TNKS: variants seen among roughly 807,000 people sequenced by gnomAD.
The protein encoded by TNKS is poly [ADP-ribose] polymerase tankyrase-1.
In TNKS, 72 loss-of-function variants were observed where a neutral mutation model predicts 135.8. The ratio of observed to expected loss-of-function variants is 0.53; its 90% confidence interval spans 0.44 to 0.64. TNKS has a LOEUF of 0.64. Ranked by LOEUF, TNKS falls within the 30% of genes least tolerant of loss-of-function variation. The pLI is 0.00. For synonymous variants in TNKS, 849 were observed against 649.3 expected (o/e 1.31, Z -4.68); for missense variants, 1,769 against 1,674.0 (o/e 1.06, Z -0.99).
At chr8:9,674,620 A>G (rs1405958101) in intron 3 of TNKS, among the ~76,000 whole-genome samples, 2 of 152,186 alleles carry the variant, frequency 1.3e-5, no homozygotes, top group African/African-American at 4.8e-5. Flanking sequence ...TACCTGAAAT[A>G]TGGCTGGTGT....
chr8:9,573,359 T>C lies in TNKS; in HGVS notation c.674-6800T>C, dbSNP rs1409627206. ...TGATGTACAGAAGACAAAAGTAAGG[T>C]ATAGAAAGAGCTTGGTTGGTTACAG... On this transcript the variant is annotated intron_variant, in intron 1 of 26. Coordinates refer to ENST00000310430, the MANE Select transcript of TNKS (RefSeq NM_003747.3). Among the ~76,000 whole-genome samples the C allele has an allele frequency of 2.6e-5, 4 of 152,218 alleles. No individual in the cohort carries two copies. The East Asian group carries it at 7.7e-4, about 29-fold the overall frequency.
At chr8:9,660,691 C>G (rs1015577880) in intron 3 of TNKS, among the ~76,000 whole-genome samples, 4 of 152,122 alleles carry the variant, frequency 2.6e-5, no homozygotes, top group African/African-American at 9.7e-5. Context: ...CAGGGTTGCC[C>G]TCTCTCACCA....
At chr8:9,610,888 T>C (rs1443687632) in intron 2 of TNKS, among the ~76,000 whole-genome samples, 1 of 152,224 alleles carries the variant, frequency 6.6e-6, no homozygotes, top group Non-Finnish European at 1.5e-5. Flanking sequence ...TTTAACAGAA[T>C]GAGTCTTTGT....
intron 2 of TNKS, among the ~76,000 whole-genome samples, chr8:9,602,981 AC>A (rs1799073551): frequency 6.6e-6 from 1 of 152,238 alleles, no homozygotes; most frequent in African/African-American, 2.4e-5. Flanking sequence ...AACTAGGTTT[AC>A]ATACACAAGG....
chr8:9,561,497 T>C (rs918355929), intron 1 of TNKS, among the ~76,000 whole-genome samples: 2 of 152,226 alleles, frequency 1.3e-5, no homozygotes, highest in South Asian at 2.1e-4. Context: ...GTAAGACTTA[T>C]TTTGCTCAGC....
intron 5 of TNKS, among the ~76,000 whole-genome samples, chr8:9,697,088 A>T (rs538942215): frequency 5.9e-5 from 9 of 152,274 alleles, no homozygotes; most frequent in African/African-American, 2.2e-4. Flanking sequence ...CATGGCACTG[A>T]TACAAAAAAC....
At position 9,779,461 on chromosome 8, in the gene TNKS, G is replaced by A. The variant is rs916144911; in HGVS notation, c.*2725G>A. ...CTGAACGTCTCCACCGGCTCTACCC[G>A]AGTTCCAAAACTAAAGGGCTTCTCC... is the stretch of plus-strand genomic sequence containing the variant. On this transcript the variant is annotated 3_prime_UTR_variant, in exon 27 of 27. Coordinates refer to ENST00000310430, the MANE Select transcript of TNKS (RefSeq NM_003747.3). The A allele has an allele frequency of 3.9e-5, 6 of 152,054 alleles. No individual in the cohort carries two copies. Among genetic ancestry groups the A allele is most frequent in the African/African-American group, 9.7e-5 (4 of 41,396 alleles). 9.4% of individuals were successfully genotyped at this position (152,054 alleles called of 1,614,324 possible). A position where few individuals can be genotyped will look rare whatever the true frequency, so the allele number is the denominator to read the frequency against.
chr8:9,764,866 G>A, intron 23 of TNKS, 76 bp downstream of exon 23: 2 of 1,181,030 alleles, frequency 1.7e-6, no homozygotes, highest in Non-Finnish European at 2.4e-6. Flanking sequence ...AATGAAAAAA[G>A]TTTATTAAGT....
intron 3 of TNKS, among the ~76,000 whole-genome samples, chr8:9,654,482 G>A (rs1801272374): frequency 6.6e-6 from 1 of 152,140 alleles, no homozygotes; most frequent in Admixed American, 6.5e-5. Context: ...TTAAGTTTCA[G>A]AATACACAAA....
In TNKS at chr8:9,596,651, G is replaced by T. The variant is rs1798798169; in HGVS notation, c.898+16268G>T. Among the ~76,000 whole-genome samples the T allele has an allele frequency of 2.0e-5, 3 of 152,162 alleles. No homozygotes were observed. The South Asian group carries it at 6.2e-4, about 32-fold the overall frequency. Reference sequence around the variant, plus strand: ...CAAGCATTCCCACTGTGTAGCCAAAGATACATTTATTTTGGATCAATACAT... The same window carrying T: ...CAAGCATTCCCACTGTGTAGCCAAATATACATTTATTTTGGATCAATACAT... On this transcript the variant is annotated intron_variant, in intron 2 of 26. Coordinates refer to ENST00000310430, the MANE Select transcript of TNKS (RefSeq NM_003747.3).
intron 26 of TNKS, among the ~76,000 whole-genome samples, chr8:9,771,238 G>C (rs1422368980): frequency 4.6e-5 from 6 of 131,658 alleles, no homozygotes; most frequent in Non-Finnish European, 3.3e-5. Flanking sequence ...AGAGAGCGAG[G>C]AAAGGAGGGA....
In TNKS at chr8:9,556,160, C is replaced by T; in HGVS notation, c.221C>T (p.Pro74Leu). 1 of 1,610,096 alleles carries T rather than the reference C, an allele frequency of 6.2e-7. No homozygotes were observed. Among genetic ancestry groups the T allele is most frequent in the Non-Finnish European group, 8.5e-7 (1 of 1,177,776 alleles). ...ALPEGDGSRD[P>L]PDRPRSPDPV... ...CCGGAGGGGGATGGCAGTCGGGATC[C>T]GCCCGACAGGCCCCGATCCCCGGAC... Residue 74 changes from proline (P) to leucine (L), a missense_variant, in exon 1 of 27, where the codon CCG becomes CTG. By Grantham distance (98) the Pro-to-Leu change is moderately conservative. This residue lies in a region of TNKS where 450 missense variants were observed against 304.9 expected (regional missense o/e 1.48). Coordinates refer to ENST00000310430, the MANE Select transcript of TNKS (RefSeq NM_003747.3).
chr8:9,780,379 CCTTA>C lies in TNKS; in HGVS notation c.*3646_*3649del, dbSNP rs1808406852. 1 of 152,128 alleles carries C rather than the reference CCTTA, an allele frequency of 6.6e-6. No individual in the cohort carries two copies. The highest frequency in any genetic ancestry group is 2.1e-4 in the South Asian group (1 of 4,826). 9.4% of individuals were successfully genotyped at this position (152,128 alleles called of 1,614,324 possible). A position where few individuals can be genotyped will look rare whatever the true frequency, so the allele number is the denominator to read the frequency against. On this transcript the variant is annotated 3_prime_UTR_variant, in exon 27 of 27. Transcript: ENST00000310430. The stretch of plus-strand genomic sequence containing the variant: ...TAATTGTCTCACGTAAAGCTATAGA[CCTTA>C]CTAATTTGGCAGGTATTCAAAACTG...
At chr8:9,771,019 A>G (rs1585449356) in intron 26 of TNKS, among the ~76,000 whole-genome samples, 1 of 152,274 alleles carries the variant, frequency 6.6e-6, no homozygotes, top group East Asian at 1.9e-4. Context: ...TGAAATTGGA[A>G]GTATTACTAT....
chr8:9,703,311 A>G (rs1803902631), intron 5 of TNKS, among the ~76,000 whole-genome samples: 1 of 152,180 alleles, frequency 6.6e-6, no homozygotes, highest in Admixed American at 6.5e-5. Flanking sequence ...AAACTTATCA[A>G]TTGTTTGTTT....
Position 9,735,842 on chromosome 8 carries a change from C to T in TNKS, c.2643+356C>T, listed in dbSNP as rs147478330. Among the ~76,000 whole-genome samples the T allele has an allele frequency of 3.0e-3, 462 of 152,044 alleles. 3 individuals are homozygous for T. The highest frequency in any genetic ancestry group is 0.01 in the African/African-American group (434 of 41,492). On this transcript the variant is annotated intron_variant, in intron 17 of 26. Transcript: ENST00000310430. ...AAATAAAATAAAATCTAGAAAACTT[C>T]CCTGGCATTTACGACTTTATTAAAT...
intron 25 of TNKS, among the ~76,000 whole-genome samples, chr8:9,768,372 A>G (rs960694841): frequency 2.0e-5 from 3 of 152,262 alleles, no homozygotes; most frequent in Non-Finnish European, 4.4e-5. Context: ...GAGAGGCTGT[A>G]TCAACTACGG....
At chr8:9,713,846 T>G (rs1255154690) in intron 11 of TNKS, among the ~76,000 whole-genome samples, 1 of 152,150 alleles carries the variant, frequency 6.6e-6, no homozygotes, top group Non-Finnish European at 1.5e-5. Flanking sequence ...GGCTCCCATT[T>G]TTTCTTGCGT....
At chr8:9,775,045 G>GTGGT (rs1468125831) in intron 26 of TNKS, among the ~76,000 whole-genome samples, 1 of 152,114 alleles carries the variant, frequency 6.6e-6, no homozygotes, top group Non-Finnish European at 1.5e-5. Flanking sequence ...GTGTTCTTAT[G>GTGGT]TGGTAGATGC....
Sources: allele counts gnomAD v4.1 joint callset (sites outside exome capture counted in the v4.1 genomes callset), GRCh38; gene constraint gnomAD v4.1.1; regional missense constraint gnomAD v4.1.1; transcripts MANE v1.5; gene names NCBI Gene and HGNC (gene_info 2026-07-23, HGNC 2026-07-21).